IFI27: variants seen among roughly 807,000 people sequenced by gnomAD.
The protein encoded by IFI27 is interferon alpha-inducible protein 27, mitochondrial.
Under a neutral mutation model 8.9 loss-of-function variants are expected in IFI27, and 3 were observed. That is an observed-to-expected ratio of 0.34 (90% CI 0.15 to 0.87). IFI27 has a LOEUF of 0.87. Among genes scored for constraint, IFI27 ranks in the 40% least tolerant of loss-of-function variants. IFI27 has a pLI of 0.51. For missense variants in IFI27, 152 were observed against 157.7 expected (o/e 0.96, Z 0.19); for synonymous variants, 66 against 67.3 (o/e 0.98, Z 0.09).
rs750093919 is a variant in IFI27 at position 94,114,890 on chromosome 14, T to G, written c.121+10T>G. 6.2e-7 allele frequency: 1 copy of G among 1,613,950 alleles called. No homozygotes were observed. The highest frequency in any genetic ancestry group is 2.2e-5 in the East Asian group (1 of 44,882). ...GTTGTGATTGGAGGAGGTGAGTCTG[T>G]GGGGAAGGGGCTCAAGTAACCACCT... is the stretch of plus-strand genomic sequence containing the variant. On this transcript the variant is annotated intron_variant, in intron 3 of 4. Transcript: ENST00000621160.
intron 2 of IFI27, chr14:94,113,197 A>C (rs1887257720): frequency 6.6e-6 from 1 of 152,266 alleles, no homozygotes; most frequent in Admixed American, 6.5e-5. Context: ...TAGAACAATG[A>C]ACAATGACAG....
At position 94,111,725 on chromosome 14, in the gene IFI27, GC is replaced by G. The variant is rs1296548436; in HGVS notation, c.45del (p.Val17TrpfsTer10). ...CACCTCATCAGCAGTGACCAGTGTG[GC>G]CAAAGTGGTCAGGGTGGCCTCTGGC... On this transcript the variant is annotated frameshift_variant, in exon 2 of 5. Coordinates refer to ENST00000621160, the Ensembl canonical transcript of IFI27. LOFTEE classifies it high-confidence loss of function. This position sits in a 1 kb window ranked among gnomAD's most constrained non-coding sequence, Gnocchi z 4.3. The G allele has an allele frequency of 1.2e-6, 2 of 1,614,250 alleles. No homozygotes were observed. The highest frequency in any genetic ancestry group is 3.3e-5 in the Admixed American group (2 of 60,034).
chr14:94,109,970 C>T (rs571928623), upstream of IFI27, among the ~76,000 whole-genome samples: 1 of 152,348 alleles, frequency 6.6e-6, no homozygotes, highest in South Asian at 2.1e-4. Flanking sequence ...GGCTTCAGGA[C>T]ACAAGATCAA....
chr14:94,106,482 C>T (rs889738411), upstream of IFI27, among the ~76,000 whole-genome samples: 8 of 152,160 alleles, frequency 5.3e-5, no homozygotes, highest in African/African-American at 1.7e-4. Context: ...TTTTTATTTT[C>T]GGTTTTTTTG....
upstream of IFI27, among the ~76,000 whole-genome samples, chr14:94,107,670 C>T (rs993610805): frequency 2.0e-5 from 3 of 152,138 alleles, no homozygotes; most frequent in African/African-American, 7.2e-5. Flanking sequence ...TAACCTAATA[C>T]ATACTATTCT....
intron 3 of IFI27, among the ~76,000 whole-genome samples, 191 bp downstream of exon 3, chr14:94,115,071 A>T (rs1255504449): frequency 6.6e-6 from 1 of 152,202 alleles, no homozygotes; most frequent in Admixed American, 6.5e-5. Context: ...GGGCTTGGAG[A>T]CTGGGAGCTG....
intron 3 of IFI27, chr14:94,115,547 C>T (rs1030292892): frequency 3.3e-6 from 2 of 609,618 alleles, no homozygotes; most frequent in Non-Finnish European, 5.8e-6. Flanking sequence ...GTCCTGCTGC[C>T]CAGAAGAGCT....
chr14:94,115,620 G>A (rs1370897848), intron 3 of IFI27, 161 bp from the exon 4 acceptor site: 2 of 701,986 alleles, frequency 2.8e-6, no homozygotes, highest in Non-Finnish European at 4.7e-6. Flanking sequence ...CCGCCTGGCT[G>A]TGCTCCCCTT....
chr14:94,106,356 A>G (rs1367479082), upstream of IFI27, among the ~76,000 whole-genome samples: 1 of 152,372 alleles, frequency 6.6e-6, no homozygotes, highest in South Asian at 2.1e-4. Flanking sequence ...TTTCTGGATC[A>G]TATAGAAGTT....
rs1047171448 is a variant in IFI27, at chr14:94,116,287, C to A, written c.284-155C>A. On this transcript the variant is annotated intron_variant, in intron 4 of 4. Coordinates refer to ENST00000621160, the Ensembl canonical transcript of IFI27. The surrounding 1 kb of genome is among the most constrained non-coding windows in gnomAD (Gnocchi z 4.3). ...GCAGCAGCCTCTCCCCAAACAAAGA[C>A]CCCGAGGGTACTGGGAAACAGAGAG... 1.4e-4 allele frequency: 93 copies of A among 657,354 alleles called. 2 individuals carry two copies. The highest frequency in any genetic ancestry group is 1.1e-3 in the South Asian group (60 of 56,796). 40.7% of individuals were successfully genotyped at this position (657,354 alleles called of 1,614,324 possible).
chr14:94,111,691 C>T lies in IFI27; in HGVS notation c.9C>T (p.Ala3=). 6.2e-7 allele frequency: 1 copy of T among 1,613,948 alleles called. No individual in the cohort carries two copies. The highest frequency in any genetic ancestry group is 1.1e-5 in the South Asian group (1 of 91,076). ...AATTAACCCGAGCAGGCATGGAGGCCTCTGCTCTCACCTCATCAGCAGTGA... is the reference window on the plus strand; with the variant it reads ...AATTAACCCGAGCAGGCATGGAGGCTTCTGCTCTCACCTCATCAGCAGTGA... The change falls in exon 2 of 5, where the codon GCC becomes GCT. Residue 3 remains alanine, a synonymous_variant. Transcript: ENST00000621160. The surrounding 1 kb of genome is among the most constrained non-coding windows in gnomAD (Gnocchi z 4.3).
chr14:94,109,797 C>A (rs1341225650), upstream of IFI27, among the ~76,000 whole-genome samples: 1 of 152,250 alleles, frequency 6.6e-6, no homozygotes, highest in Non-Finnish European at 1.5e-5. Flanking sequence ...TTGAATCTTA[C>A]AACTCGCACA....
rs777935144 is a variant in IFI27, at chr14:94,115,763, A to G, written c.122-18A>G. 16 of 1,601,406 alleles carry G rather than the reference A, an allele frequency of 1.0e-5. No homozygotes were observed. The highest frequency in any genetic ancestry group is 3.4e-4 in the Middle Eastern group (2 of 5,956). On this transcript the variant is annotated intron_variant, in intron 3 of 4. Coordinates refer to ENST00000621160, the Ensembl canonical transcript of IFI27. The stretch of plus-strand genomic sequence containing the variant: ...CCCTTCTGAGCCCACGCACCGACCC[A>G]GCTCCTCTTCCCTGCAGTTGTGGCC...
intron 2 of IFI27, chr14:94,112,329 A>T (rs1887224327): frequency 6.4e-6 from 1 of 157,400 alleles, no homozygotes. Context: ...TTTCATATGT[A>T]TTTTTGCAGA....
upstream of IFI27, among the ~76,000 whole-genome samples, chr14:94,106,884 A>G (rs1887021378): frequency 6.8e-6 from 1 of 147,292 alleles, no homozygotes; most frequent in South Asian, 2.1e-4. Flanking sequence ...CTAACTCATT[A>G]CTGTGAGGAC....
Position 94,111,597 on chromosome 14 carries a change from C to G in IFI27, c.-58-28C>G. On this transcript the variant is annotated intron_variant, in intron 1 of 4. Coordinates refer to ENST00000621160, the Ensembl canonical transcript of IFI27. This position sits in a 1 kb window ranked among gnomAD's most constrained non-coding sequence, Gnocchi z 4.3. ...AGCAAGTCAGGTTGTGTGCCCATCC[C>G]GTCCTCAGAGCTCCATCCCTTCGGC... 1 of 1,101,632 alleles carries G rather than the reference C, an allele frequency of 9.1e-7. No homozygotes were observed. Among genetic ancestry groups the G allele is most frequent in the South Asian group, 1.3e-5 (1 of 78,566 alleles). The allele number at this position is 1,101,632 out of a possible 1,614,324, so 68.2% of individuals were successfully genotyped here.
At position 94,116,349 on chromosome 14, in the gene IFI27, TG is replaced by T; in HGVS notation, c.284-92del. On this transcript the variant is annotated intron_variant, in intron 4 of 4. Coordinates refer to ENST00000621160, the Ensembl canonical transcript of IFI27. The surrounding 1 kb of genome is among the most constrained non-coding windows in gnomAD (Gnocchi z 4.3). ...GGGGTCTGTAAGCCTCAGCCCCTGC[TG>T]AGGGTCACTGGAGTCTCTGACCCCA... The T allele has an allele frequency of 1.2e-6, 1 of 855,812 alleles. No individual in the cohort carries two copies. The highest frequency in any genetic ancestry group is 2.6e-5 in the East Asian group (1 of 38,396). The allele number at this position is 855,812 out of a possible 1,614,324, so 53.0% of individuals were successfully genotyped here. A position where few individuals can be genotyped will look rare whatever the true frequency, so the allele number is the denominator to read the frequency against.
chr14:94,107,544 C>T (rs1887032127), upstream of IFI27, among the ~76,000 whole-genome samples: 2 of 152,082 alleles, frequency 1.3e-5, no homozygotes, highest in Non-Finnish European at 2.9e-5. Context: ...ATTAGTTCTC[C>T]ATGCCCTTTT....
chr14:94,116,071 C>A lies in IFI27; in HGVS notation c.283+129C>A. On this transcript the variant is annotated intron_variant, in intron 4 of 4. Coordinates refer to ENST00000621160, the Ensembl canonical transcript of IFI27. This position sits in a 1 kb window ranked among gnomAD's most constrained non-coding sequence, Gnocchi z 4.3. ...CTCTGTCTCTCTCTACACATTCTCT[C>A]AGGGTTTCTCTGAGGGAGATGGAGG... 1 of 1,042,180 alleles carries A rather than the reference C, an allele frequency of 9.6e-7. No individual in the cohort carries two copies. Among genetic ancestry groups the A allele is most frequent in the Non-Finnish European group, 1.4e-6 (1 of 694,602 alleles). 64.6% of individuals were successfully genotyped at this position (1,042,180 alleles called of 1,614,324 possible).
Sources: allele counts gnomAD v4.1 joint callset (sites outside exome capture counted in the v4.1 genomes callset), GRCh38; gene constraint gnomAD v4.1.1; non-coding constraint Gnocchi (gnomAD v3.1); transcripts MANE v1.5; gene names NCBI Gene and HGNC (gene_info 2026-07-23, HGNC 2026-07-21).